PDE4D: variants seen among roughly 807,000 people sequenced by gnomAD.
PDE4D encodes phosphodiesterase 4D.
PDE4D carries 24 observed loss-of-function variants against 87.4 expected under a neutral mutation model. The observed-to-expected ratio is 0.27, with a 90% CI of 0.20 to 0.39. The LOEUF (loss-of-function observed/expected upper bound fraction) is 0.39. PDE4D is among the 10% of genes least tolerant of loss of function. The pLI is 1.00. For synonymous variants in PDE4D, 384 were observed against 383.2 expected (o/e 1.00, Z -0.02); for missense variants, 714 against 1,041.0 (o/e 0.69, Z 4.32).
At chr5:59,634,244 T>C (rs996348370) in intron 1 of PDE4D, among the ~76,000 whole-genome samples, 1 of 152,118 alleles carries the variant, frequency 6.6e-6, no homozygotes, top group Admixed American at 6.5e-5. Flanking sequence ...TGCAAGTTCC[T>C]AGAGACCTAC....
At chr5:60,267,463 T>C (rs979398832) in intron 1 of PDE4D, among the ~76,000 whole-genome samples, 11 of 152,186 alleles carry the variant, frequency 7.2e-5, no homozygotes, top group African/African-American at 2.7e-4. Context: ...GAGAAAGAGC[T>C]TGACTGGAAG....
intron 1 of PDE4D, among the ~76,000 whole-genome samples, chr5:60,422,296 A>C (rs1743190415): frequency 6.6e-6 from 1 of 152,214 alleles, no homozygotes. Flanking sequence ...GCCAGAGAGA[A>C]AGGTCGGGTT....
At chr5:59,931,694 C>CTTTTTTTTTTTTTTTTTTTTT (rs35943138) in intron 3 of PDE4D, among the ~76,000 whole-genome samples, 6 of 126,596 alleles carry the variant, frequency 4.7e-5, no homozygotes, top group Non-Finnish European at 7.9e-5. Context: ...TCTTCTTCTT[C>CTTTTTTTTTTTTTTTTTTTTT]TTTTTTTTTT....
intron 2 of PDE4D, among the ~76,000 whole-genome samples, chr5:60,001,876 T>C (rs1430215966): frequency 2.1e-5 from 1 of 46,940 alleles, no homozygotes; most frequent in Admixed American, 3.3e-4. Flanking sequence ...CCATAGTAAT[T>C]ACAAAGGAAA....
chr5:59,154,458 G>A lies in PDE4D; in HGVS notation c.808+26137C>T, dbSNP rs1779879958. Among the ~76,000 whole-genome samples, 10 of 152,092 alleles carry A rather than the reference G, an allele frequency of 6.6e-5. No homozygotes were observed. In the South Asian group the frequency reaches 2.1e-3, roughly 31 times the overall value. ...AATAAAATGCTAAATGCAACTGACAGTTTCAAAAACACTATTTCAGGTACT... is the reference window on the plus strand; with the variant it reads ...AATAAAATGCTAAATGCAACTGACAATTTCAAAAACACTATTTCAGGTACT... On this transcript the variant is annotated intron_variant, in intron 5 of 14. Coordinates refer to ENST00000340635, the MANE Select transcript of PDE4D (RefSeq NM_001104631.2).
intron 1 of PDE4D, among the ~76,000 whole-genome samples, chr5:59,409,518 G>A (rs994048791): frequency 6.6e-6 from 1 of 152,142 alleles, no homozygotes; most frequent in African/African-American, 2.4e-5. Flanking sequence ...TTATGGCTTG[G>A]TGAGTGAGTG....
intron 1 of PDE4D, among the ~76,000 whole-genome samples, chr5:60,498,211 CCAGA>C (rs1470474036): frequency 6.6e-5 from 10 of 151,222 alleles, no homozygotes; most frequent in South Asian, 2.1e-4. Flanking sequence ...TTTCCATGCC[CCAGA>C]CAGAGTCAGA....
chr5:59,055,886 C>T (rs1762269843), intron 5 of PDE4D, among the ~76,000 whole-genome samples: 1 of 152,202 alleles, frequency 6.6e-6, no homozygotes, highest in East Asian at 1.9e-4. Context: ...ATACGAGAAG[C>T]TTGGTATTCT....
At chr5:60,492,722 T>C (rs1285980359), upstream of PDE4D, among the ~76,000 whole-genome samples, 1 of 151,904 alleles carries the variant, frequency 6.6e-6, no homozygotes, top group Non-Finnish European at 1.5e-5. Context: ...GCAGGGAACA[T>C]CACACACGAG....
chr5:59,068,803 G>T (rs1365722935), intron 5 of PDE4D, among the ~76,000 whole-genome samples: 4 of 152,194 alleles, frequency 2.6e-5, no homozygotes, highest in African/African-American at 7.2e-5. Flanking sequence ...AGTCTTGTAA[G>T]TCTCAGTTTC....
chr5:60,163,378 C>T (rs1448738121), intron 2 of PDE4D, among the ~76,000 whole-genome samples: 3 of 152,156 alleles, frequency 2.0e-5, no homozygotes, highest in East Asian at 3.8e-4. Context: ...CACCATTTAG[C>T]TAAACACAAG....
chr5:60,349,827 G>A (rs116487439), intron 1 of PDE4D, among the ~76,000 whole-genome samples: 137 of 152,150 alleles, frequency 9.0e-4, no homozygotes, highest in African/African-American at 3.1e-3. Context: ...GAATTTTTAA[G>A]GGTGGCAAAA....
intron 1 of PDE4D, among the ~76,000 whole-genome samples, chr5:59,407,126 G>T (rs1402312885): frequency 1.3e-5 from 2 of 152,166 alleles, no homozygotes; most frequent in African/African-American, 4.8e-5. Context: ...TGTTGGAGGT[G>T]GGGCCTGGTG....
chr5:59,141,357 G>A (rs997292147), intron 5 of PDE4D, among the ~76,000 whole-genome samples: 2 of 152,212 alleles, frequency 1.3e-5, no homozygotes, highest in East Asian at 1.9e-4. Context: ...GGCCACATTT[G>A]TTTTGTTGAT....
intron 2 of PDE4D, among the ~76,000 whole-genome samples, chr5:59,201,311 CTTAAA>C (rs1747314117): frequency 6.6e-6 from 1 of 152,084 alleles, no homozygotes; most frequent in Non-Finnish European, 1.5e-5. Flanking sequence ...TTGCTACCTG[CTTAAA>C]TTAAAATCAT....
intron 1 of PDE4D, among the ~76,000 whole-genome samples, chr5:60,474,104 CCA>C (rs1491094208): frequency 3.4e-3 from 73 of 21,214 alleles, no homozygotes; most frequent in East Asian, 9.9e-3. Context: ...CTTTGAGCTG[CCA>C]TATATATATA....
At chr5:60,035,805 T>G (rs536146739) in intron 2 of PDE4D, among the ~76,000 whole-genome samples, 2 of 152,228 alleles carry the variant, frequency 1.3e-5, no homozygotes, top group African/African-American at 4.8e-5. Flanking sequence ...CCAAAGCAAT[T>G]AGAGATGTCA....
At chr5:58,984,153 A>C (rs983896291) in intron 11 of PDE4D, among the ~76,000 whole-genome samples, 2 of 152,208 alleles carry the variant, frequency 1.3e-5, no homozygotes, top group African/African-American at 4.8e-5. Context: ...CTTCAAAAGG[A>C]CTTCAGAAAC....
chr5:60,291,354 G>T (rs944763249), intron 1 of PDE4D, among the ~76,000 whole-genome samples: 1 of 152,078 alleles, frequency 6.6e-6, no homozygotes, highest in Non-Finnish European at 1.5e-5. Context: ...TAATAAAAGT[G>T]TAAGATTCCA....
Sources: allele counts gnomAD v4.1 joint callset (sites outside exome capture counted in the v4.1 genomes callset), GRCh38; gene constraint gnomAD v4.1.1; transcripts MANE v1.5; gene names NCBI Gene and HGNC (gene_info 2026-07-23, HGNC 2026-07-21).